The following ARHGAP44 variants were observed in gnomAD, a reference collection of about 807,000 sequenced individuals.
ARHGAP44 encodes Rho GTPase activating protein 44.
A neutral mutation model predicts 106.8 loss-of-function variants in ARHGAP44; 43 were observed. That is an observed-to-expected ratio of 0.40 (90% CI 0.32 to 0.52). ARHGAP44 has a LOEUF of 0.52. ARHGAP44 is among the 20% of genes least tolerant of loss of function. The pLI is 0.48. For missense variants in ARHGAP44, 866 were observed against 1,050.5 expected (o/e 0.82, Z 2.43); for synonymous variants, 439 against 410.3 (o/e 1.07, Z -0.85).
At chr17:12,870,188 A>G (rs1242632863) in intron 1 of ARHGAP44, among the ~76,000 whole-genome samples, 15 of 151,632 alleles carry the variant, frequency 9.9e-5, no homozygotes, top group Non-Finnish European at 8.8e-5. Context: ...AGCTGAGACT[A>G]CAAGTGTGCA....
chr17:12,796,279 A>G (rs1371380660), intron 1 of ARHGAP44, among the ~76,000 whole-genome samples: 1 of 152,114 alleles, frequency 6.6e-6, no homozygotes, highest in African/African-American at 2.4e-5. Context: ...AATCCCCAGC[A>G]TAATTTTTGA....
intron 1 of ARHGAP44, among the ~76,000 whole-genome samples, chr17:12,844,129 G>T (rs142513972): frequency 6.6e-6 from 1 of 152,158 alleles, no homozygotes; most frequent in Admixed American, 6.5e-5. Flanking sequence ...GAAAGTTTAC[G>T]TGTAGATTGG....
chr17:12,822,686 G>A (rs1279771125), intron 1 of ARHGAP44, among the ~76,000 whole-genome samples: 1 of 152,174 alleles, frequency 6.6e-6, no homozygotes, highest in South Asian at 2.1e-4. Context: ...CAGCCACAGA[G>A]CAAGGAAGAA....
At chr17:12,880,640 G>A (rs1269396771) in intron 1 of ARHGAP44, among the ~76,000 whole-genome samples, 1 of 150,950 alleles carries the variant, frequency 6.6e-6, no homozygotes, top group Non-Finnish European at 1.5e-5. Flanking sequence ...TTCTCCTCTC[G>A]ATGGCCATTT....
chr17:12,900,629 A>C (rs1224288240), intron 3 of ARHGAP44, among the ~76,000 whole-genome samples: 1 of 152,198 alleles, frequency 6.6e-6, no homozygotes, highest in Non-Finnish European at 1.5e-5. Context: ...TCTGCCACGC[A>C]AGGCGGTGTG....
chr17:12,949,388 A>G lies in ARHGAP44; in HGVS notation c.973+137A>G, dbSNP rs1237021495. Reference sequence around the variant, plus strand: ...CTTCAGATGTGTCCACTCAGTGCCCAGTTTCAGGGCTGGGTGCTCTGGCCC... The same window carrying G: ...CTTCAGATGTGTCCACTCAGTGCCCGGTTTCAGGGCTGGGTGCTCTGGCCC... On this transcript the variant is annotated intron_variant, in intron 11 of 20. Coordinates refer to ENST00000379672, the MANE Select transcript of ARHGAP44 (RefSeq NM_014859.6). This position sits in a 1 kb window ranked among gnomAD's most constrained non-coding sequence, Gnocchi z 4.1. 1 of 979,796 alleles carries G rather than the reference A, an allele frequency of 1.0e-6. No homozygotes were observed. The highest frequency in any genetic ancestry group is 1.5e-6 in the Non-Finnish European group (1 of 663,668). The allele number at this position is 979,796 out of a possible 1,614,324, so 60.7% of individuals were successfully genotyped here.
At chr17:12,934,781 T>C (rs1458575951) in intron 7 of ARHGAP44, among the ~76,000 whole-genome samples, 1 of 152,200 alleles carries the variant, frequency 6.6e-6, no homozygotes, top group Non-Finnish European at 1.5e-5. Context: ...AACCCCTAAG[T>C]AGACTATGAA....
chr17:12,988,238 CCTGT>C (rs780489260), intron 20 of ARHGAP44: 15 of 152,342 alleles, frequency 9.8e-5, no homozygotes, highest in African/African-American at 2.2e-4. Flanking sequence ...TTGTTCTGGG[CCTGT>C]CTAAATTCAT....
chr17:12,961,432 G>A (rs555953240), intron 16 of ARHGAP44, among the ~76,000 whole-genome samples: 1 of 152,306 alleles, frequency 6.6e-6, no homozygotes, highest in African/African-American at 2.4e-5. Flanking sequence ...GTTTCAAAAT[G>A]TGTATTAAAT....
chr17:12,968,716 A>G (rs1003919162), intron 16 of ARHGAP44, among the ~76,000 whole-genome samples: 5 of 151,052 alleles, frequency 3.3e-5, no homozygotes, highest in Non-Finnish European at 7.4e-5. Context: ...ATTTTTTTCC[A>G]GTCCCCATTT....
intron 1 of ARHGAP44, among the ~76,000 whole-genome samples, chr17:12,802,965 ATATATTT>A (rs1476010158): frequency 3.0e-4 from 8 of 27,012 alleles, no homozygotes; most frequent in East Asian, 1.9e-3. Flanking sequence ...ATATATATAT[ATATATTT>A]TTTTTTTTTT....
chr17:12,932,850 A>G (rs1465833828), intron 7 of ARHGAP44, among the ~76,000 whole-genome samples: 1 of 152,146 alleles, frequency 6.6e-6, no homozygotes, highest in Non-Finnish European at 1.5e-5. Flanking sequence ...GTTTGCCTGC[A>G]CCTGAGACGA....
At position 12,876,300 on chromosome 17, in the gene ARHGAP44, C is replaced by T. The variant is rs116367625; in HGVS notation, c.54-18640C>T. ...TACTAATTCCCTCCCACGAAAACCA[C>T]AGGAAAGGCTTTTGCGGGTACTCTT... On this transcript the variant is annotated intron_variant, in intron 1 of 20. Transcript: ENST00000379672. 6.3e-3 allele frequency among the ~76,000 whole-genome samples: 958 copies of T among 152,286 alleles called. 6 individuals carry two copies. The highest frequency in any genetic ancestry group is 0.051 in the Middle Eastern group (15 of 294).
intron 16 of ARHGAP44, chr17:12,959,168 T>A: frequency 2.4e-6 from 1 of 413,316 alleles, no homozygotes; most frequent in Non-Finnish European, 4.4e-6. Context: ...AAGTAGTCAC[T>A]GAGTGCAATT....
chr17:12,809,842 TG>T (rs1369983316), intron 1 of ARHGAP44, among the ~76,000 whole-genome samples: 2 of 151,906 alleles, frequency 1.3e-5, no homozygotes, highest in Non-Finnish European at 2.9e-5. Flanking sequence ...GCGGGAGCAG[TG>T]GGAGATAAAG....
In ARHGAP44 at chr17:12,941,094, A is replaced by G. The variant is rs773406499; in HGVS notation, c.621A>G (p.Lys207=). The G allele has an allele frequency of 4.3e-6, 7 of 1,613,928 alleles. No homozygotes were observed. Among genetic ancestry groups the G allele is most frequent in the Non-Finnish European group, 5.1e-6 (6 of 1,179,908 alleles). The change falls in exon 8 of 21, where the codon AAA becomes AAG. Residue 207 remains lysine (K), a synonymous_variant. Coordinates refer to ENST00000379672, the MANE Select transcript of ARHGAP44 (RefSeq NM_014859.6). The part of the protein sequence containing the change: ...LSADMYSFVA[K]EIDYANYFQT... ...CTGATATGTACAGTTTTGTGGCCAA[A>G]GAAATTGACTATGCAAACTACTTTC... is the stretch of plus-strand genomic sequence containing the variant.
intron 7 of ARHGAP44, among the ~76,000 whole-genome samples, chr17:12,936,138 C>T (rs1187117415): frequency 1.3e-5 from 2 of 152,164 alleles, no homozygotes; most frequent in African/African-American, 4.8e-5. Flanking sequence ...CAACCTCCCC[C>T]AATGTCAACA....
chr17:12,956,876 C>G, intron 15 of ARHGAP44, 130 bp downstream of exon 15: 1 of 654,880 alleles, frequency 1.5e-6, no homozygotes. Flanking sequence ...AACACACACA[C>G]ACACACACAC....
At chr17:12,938,599 A>C (rs1044356114) in intron 7 of ARHGAP44, among the ~76,000 whole-genome samples, 11 of 151,428 alleles carry the variant, frequency 7.3e-5, no homozygotes, top group African/African-American at 1.9e-4. Flanking sequence ...AAAAAAAAAA[A>C]AAAACAGCTG....
Sources: gnomAD v4.1 joint callset for allele counts (sites outside exome capture counted in the v4.1 genomes callset) on GRCh38, gnomAD v4.1.1 for gene constraint, Gnocchi (gnomAD v3.1) non-coding constraint, MANE v1.5 for transcripts, NCBI Gene and HGNC (gene_info 2026-07-23, HGNC 2026-07-21) for gene names.